The following MSN variants were observed in gnomAD, a reference collection of about 807,000 sequenced individuals.
MSN encodes epididymis luminal protein 70.
In MSN, 2 loss-of-function variants were observed where a neutral mutation model predicts 48.0. That is an observed-to-expected ratio of 0.04 (90% CI 0.02 to 0.13). The LOEUF (loss-of-function observed/expected upper bound fraction) is 0.13, where lower values mean the gene tolerates loss of function less well. Ranked by LOEUF, MSN falls within the 10% of genes least tolerant of loss-of-function variation. The probability of loss-of-function intolerance (pLI) is 1.00; values close to 1 mark genes in which losing one functional copy is unlikely to be tolerated. For synonymous variants in MSN, 146 were observed against 166.9 expected (o/e 0.87, Z 0.97); for missense variants, 267 against 470.1 (o/e 0.57, Z 3.99).
At chrX:65,590,173 T>TATTCAGCTGCACTGCCCTGCCAAC (rs1303167685) in intron 1 of MSN, among the ~76,000 whole-genome samples, 3 of 111,154 alleles carry the variant, frequency 2.7e-5, no homozygotes, top group African/African-American at 9.8e-5. Flanking sequence ...GCTACTACCA[T>TATTCAGCTGCACTGCCCTGCCAAC]ATTCAGCAGC....
intron 1 of MSN, among the ~76,000 whole-genome samples, chrX:65,638,080 AATATT>A (rs2070619994): frequency 1.8e-5 from 2 of 112,377 alleles, no homozygotes; most frequent in African/African-American, 3.2e-5. Flanking sequence ...TGTCAATAAA[AATATT>A]CATTGCGTAA....
rs778032261 is a variant in MSN at position 65,705,175 on chromosome X, T to C, written c.13-11643T>C. Among the ~76,000 whole-genome samples, 3 of 111,614 alleles carry C rather than the reference T, an allele frequency of 2.7e-5. No homozygotes were observed. In the South Asian group the frequency reaches 1.1e-3, roughly 42 times the overall value. The stretch of plus-strand genomic sequence containing the variant: ...GACCTCAGTTTCCCCAGCTGTATGT[T>C]GCAAGGTTCGAATCGAGTGATCTCT... On this transcript the variant is annotated intron_variant, in intron 1 of 12. Transcript: ENST00000360270.
At chrX:65,624,061 G>T (rs188025978) in intron 1 of MSN, among the ~76,000 whole-genome samples, 1 of 110,362 alleles carries the variant, frequency 9.1e-6, no homozygotes, top group East Asian at 2.8e-4. Context: ...AAGGCTGGTA[G>T]TAATATCTCC....
chrX:65,672,897 G>A (rs2070956362), intron 1 of MSN, among the ~76,000 whole-genome samples: 1 of 111,637 alleles, frequency 9.0e-6, no homozygotes, highest in African/African-American at 3.3e-5. Flanking sequence ...TACCTTCTAT[G>A]TGCCAGGCAG....
chrX:65,675,563 C>T (rs1032334740), intron 1 of MSN, among the ~76,000 whole-genome samples: 2 of 111,509 alleles, frequency 1.8e-5, no homozygotes, highest in Non-Finnish European at 3.8e-5. Context: ...TAATTTGGAT[C>T]CAACAATCCT....
rs1458325769 is a variant in MSN, at chrX:65,731,103, C to G, written c.468-4C>G. The stretch of plus-strand genomic sequence containing the variant: ...AAACTACTCATCACCCATTGTCTTT[C>G]CAGAGTCCTGGAACAGCACAAACTC... On this transcript the variant is annotated splice_region_variant and splice_polypyrimidine_tract_variant and intron_variant, in intron 4 of 12. Transcript: ENST00000360270. The G allele has an allele frequency of 1.7e-6, 2 of 1,200,726 alleles. No individual in the cohort carries two copies. Among genetic ancestry groups the G allele is most frequent in the Non-Finnish European group, 2.2e-6 (2 of 889,166 alleles).
At chrX:65,684,194 G>A (rs780160873) in intron 1 of MSN, among the ~76,000 whole-genome samples, 3 of 110,764 alleles carry the variant, frequency 2.7e-5, no homozygotes, top group Non-Finnish European at 5.7e-5. Flanking sequence ...CACCTGCCTC[G>A]GCCTCCCAAA....
intron 2 of MSN, among the ~76,000 whole-genome samples, chrX:65,723,743 C>G (rs1188906201): frequency 1.8e-5 from 2 of 111,867 alleles, no homozygotes; most frequent in East Asian, 5.6e-4. Context: ...TGGTTCACAG[C>G]ACCCCCATGG....
At chrX:65,642,205 A>G (rs1280347958) in intron 1 of MSN, among the ~76,000 whole-genome samples, 1 of 110,539 alleles carries the variant, frequency 9.0e-6, no homozygotes, top group Non-Finnish European at 1.9e-5. Context: ...GGTTAAATAA[A>G]CTATAATACA....
intron 2 of MSN, among the ~76,000 whole-genome samples, chrX:65,722,708 T>G (rs1252242891): frequency 9.0e-6 from 1 of 111,079 alleles, no homozygotes; most frequent in Non-Finnish European, 1.9e-5. Flanking sequence ...GATGAGCCAC[T>G]GCGCCCGGCC....
chrX:65,726,286 A>G (rs777670833), intron 2 of MSN, among the ~76,000 whole-genome samples: 2 of 111,867 alleles, frequency 1.8e-5, no homozygotes, highest in Non-Finnish European at 3.8e-5. Context: ...ACTTGGCATT[A>G]GGACATAGCA....
intron 1 of MSN, among the ~76,000 whole-genome samples, chrX:65,677,964 A>G (rs1008351559): frequency 8.1e-5 from 9 of 110,541 alleles, no homozygotes; most frequent in African/African-American, 3.0e-4. Flanking sequence ...GGCCTGGTGA[A>G]AATCTAGCCT....
rs750112389 is a variant in MSN at position 65,620,664 on chromosome X, G to A, written c.-22+32052G>A. Among the ~76,000 whole-genome samples the A allele has an allele frequency of 1.2e-4, 13 of 112,263 alleles. No individual in the cohort carries two copies. The South Asian group carries it at 2.2e-3, about 19-fold the overall frequency. Reference sequence around the variant, plus strand: ...TCAGATGGAAATGCAGAAATCACCCGTCTTCTGCGTCGCTTACTCTGGGAG... The same window carrying A: ...TCAGATGGAAATGCAGAAATCACCCATCTTCTGCGTCGCTTACTCTGGGAG... On this transcript the variant is annotated intron_variant, in intron 1 of 3. Transcript: ENST00000609672.
rs1179566202 is a variant in MSN at position 65,667,701 on chromosome X, A to C, written c.-141A>C. On this transcript the variant is annotated 5_prime_UTR_variant, in exon 1 of 13. Coordinates refer to ENST00000360270, the MANE Select transcript of MSN (RefSeq NM_002444.3). ...GTGAAGTCGTGGCCCGTTAGCAGGA[A>C]GCCTAACAGTCGCCCCGACGCTAGT... 17 of 1,106,502 alleles carry C rather than the reference A, an allele frequency of 1.5e-5. No homozygotes were observed. Among genetic ancestry groups the C allele is most frequent in the Admixed American group, 2.8e-5 (1 of 35,581 alleles). The allele number at this position is 1,106,502 out of a possible 1,213,427, so 91.2% of individuals were successfully genotyped here. A position where few individuals can be genotyped will look rare whatever the true frequency, so the allele number is the denominator to read the frequency against.
At chrX:65,591,851 C>T (rs1243664390) in intron 1 of MSN, among the ~76,000 whole-genome samples, 6 of 111,339 alleles carry the variant, frequency 5.4e-5, no homozygotes, top group African/African-American at 9.8e-5. Context: ...ATCCCTGCCC[C>T]TGCCATCTAG....
At chrX:65,633,739 G>T (rs1165977187) in intron 1 of MSN, among the ~76,000 whole-genome samples, 2 of 112,154 alleles carry the variant, frequency 1.8e-5, no homozygotes, top group Non-Finnish European at 3.8e-5. Flanking sequence ...GCCTTCAATG[G>T]TCTAACATTC....
chrX:65,621,400 T>C (rs2070444492), intron 1 of MSN, among the ~76,000 whole-genome samples: 1 of 112,253 alleles, frequency 8.9e-6, no homozygotes, highest in South Asian at 3.7e-4. Context: ...AACATCCTTA[T>C]CAAAAACGAT....
At chrX:65,597,123 A>T (rs1320137269) in intron 1 of MSN, among the ~76,000 whole-genome samples, 3 of 111,253 alleles carry the variant, frequency 2.7e-5, no homozygotes. Context: ...GTCACAGCTC[A>T]CTGAAGCCTC....
chrX:65,735,489 T>A (rs889229593), intron 8 of MSN, 59 bp downstream of exon 8: 8 of 1,130,166 alleles, frequency 7.1e-6, no homozygotes, highest in Non-Finnish European at 9.5e-6. Context: ...TTCTCAAAGG[T>A]GCCCTGCATG....
Sources: gnomAD v4.1 joint callset for allele counts (sites outside exome capture counted in the v4.1 genomes callset) on GRCh38, gnomAD v4.1.1 for gene constraint, MANE v1.5 for transcripts, NCBI Gene and HGNC (gene_info 2026-07-23, HGNC 2026-07-21) for gene names.